The following INTS14 variants were observed in gnomAD, a reference collection of about 807,000 sequenced individuals.
The protein encoded by INTS14 is UPF0464 protein C15orf44.
INTS14 carries 27 observed loss-of-function variants against 56.9 expected under a neutral mutation model. The observed-to-expected ratio is 0.47, with a 90% CI of 0.35 to 0.65. The LOEUF (loss-of-function observed/expected upper bound fraction) is 0.65, where lower values mean the gene tolerates loss of function less well. Ranked by LOEUF, INTS14 falls within the 30% of genes least tolerant of loss-of-function variation. INTS14 has a pLI of 0.00. For synonymous variants in INTS14, 207 were observed against 236.2 expected (o/e 0.88, Z 1.13); for missense variants, 517 against 632.2 (o/e 0.82, Z 1.95).
intron 8 of INTS14, among the ~76,000 whole-genome samples, chr15:65,592,295 C>T (rs578205491): frequency 2.6e-5 from 4 of 152,332 alleles, no homozygotes; most frequent in African/African-American, 9.6e-5. Flanking sequence ...TTAACTGTAG[C>T]AGAAATGGAG....
intron 1 of INTS14, 30 bp downstream of exon 1, chr15:65,611,068 C>G: frequency 2.0e-6 from 3 of 1,535,668 alleles, no homozygotes; most frequent in Non-Finnish European, 2.6e-6. Flanking sequence ...CAGCGAAAGG[C>G]AGTCCCGGGC....
intron 2 of INTS14, among the ~76,000 whole-genome samples, chr15:65,606,198 T>G (rs1329780862): frequency 1.4e-5 from 2 of 140,534 alleles, no homozygotes; most frequent in Non-Finnish European, 3.0e-5. Context: ...GAGCCTGCAG[T>G]GAGCCGAGAT....
At chr15:65,600,530 G>T (rs1015295923) in intron 3 of INTS14, among the ~76,000 whole-genome samples, 1 of 152,012 alleles carries the variant, frequency 6.6e-6, no homozygotes, top group Non-Finnish European at 1.5e-5. Flanking sequence ...TTGGGAGGCT[G>T]AGGTGGGAGG....
intron 2 of INTS14, among the ~76,000 whole-genome samples, chr15:65,605,536 A>T (rs181915254): frequency 1.7e-3 from 265 of 152,354 alleles, no homozygotes; most frequent in Non-Finnish European, 3.2e-3. Flanking sequence ...AACACATCAC[A>T]AAAATAATAA....
chr15:65,606,414 T>A (rs1277648063), intron 2 of INTS14, among the ~76,000 whole-genome samples: 1 of 152,140 alleles, frequency 6.6e-6, no homozygotes, highest in East Asian at 1.9e-4. Context: ...CTTCTTTTTT[T>A]TTTTCCTTCT....
chr15:65,609,081 G>T (rs557961091), intron 1 of INTS14, among the ~76,000 whole-genome samples: 1 of 152,094 alleles, frequency 6.6e-6, no homozygotes, highest in Non-Finnish European at 1.5e-5. Flanking sequence ...CACCACACTC[G>T]GCTAATTTTT....
intron 2 of INTS14, among the ~76,000 whole-genome samples, chr15:65,606,407 C>CTT (rs889743753): frequency 6.8e-6 from 1 of 146,936 alleles, no homozygotes. Flanking sequence ...AATGCTTCTT[C>CTT]TTTTTTTTTT....
chr15:65,594,310 AG>A, intron 7 of INTS14, among the ~76,000 whole-genome samples: 1 of 152,208 alleles, frequency 6.6e-6, no homozygotes, highest in East Asian at 1.9e-4. Flanking sequence ...CTAATTCAAC[AG>A]GAAGAATTAG....
At chr15:65,596,602 C>T (rs2073220613) in intron 6 of INTS14, among the ~76,000 whole-genome samples, 1 of 151,994 alleles carries the variant, frequency 6.6e-6, no homozygotes, top group Non-Finnish European at 1.5e-5. Context: ...TGGAGTTTCG[C>T]TCTTGTTGCC....
At chr15:65,590,703 T>C (rs2072994307) in intron 9 of INTS14, among the ~76,000 whole-genome samples, 1 of 152,222 alleles carries the variant, frequency 6.6e-6, no homozygotes, top group Non-Finnish European at 1.5e-5. Context: ...TGCCAGTCTG[T>C]GATCATTCCA....
chr15:65,595,971 T>C (rs2073197024), intron 6 of INTS14, 146 bp from the exon 7 acceptor site: 1 of 587,294 alleles, frequency 1.7e-6, no homozygotes, highest in Non-Finnish European at 2.9e-6. Context: ...TATGGAGTCG[T>C]CTAATAATTT....
chr15:65,585,048 T>C (rs932656261), intron 9 of INTS14, among the ~76,000 whole-genome samples, 160 bp from the exon 10 acceptor site: 1 of 152,202 alleles, frequency 6.6e-6, no homozygotes, highest in Non-Finnish European at 1.5e-5. Flanking sequence ...GAACCTGTTC[T>C]CAATAGAAAG....
intron 8 of INTS14, 91 bp from the exon 9 acceptor site, chr15:65,591,822 C>T: frequency 1.4e-6 from 2 of 1,434,464 alleles, no homozygotes; most frequent in Non-Finnish European, 9.4e-7. Flanking sequence ...TCTTGAGAGA[C>T]ACAGGCTTCA....
chr15:65,607,785 A>G (rs928557944), intron 1 of INTS14, among the ~76,000 whole-genome samples: 2 of 152,250 alleles, frequency 1.3e-5, no homozygotes, highest in Non-Finnish European at 2.9e-5. Context: ...TTACTGAAGA[A>G]CATTTCTAGT....
chr15:65,603,228 A>C (rs1179788561), intron 3 of INTS14, among the ~76,000 whole-genome samples: 1 of 152,248 alleles, frequency 6.6e-6, no homozygotes, highest in Non-Finnish European at 1.5e-5. Flanking sequence ...AGTATCCACT[A>C]TATTCTATAA....
At chr15:65,609,157 A>G (rs2073765043) in intron 1 of INTS14, among the ~76,000 whole-genome samples, 1 of 152,070 alleles carries the variant, frequency 6.6e-6, no homozygotes. Context: ...TGACCTCGAC[A>G]TTGGCCAGGC....
At chr15:65,582,956 C>T (rs2072679333) in intron 10 of INTS14, among the ~76,000 whole-genome samples, 1 of 152,030 alleles carries the variant, frequency 6.6e-6, no homozygotes, top group African/African-American at 2.4e-5. Flanking sequence ...CATTATTGGT[C>T]ATCAAGGAAA....
At chr15:65,599,695 C>T in intron 4 of INTS14, 79 bp downstream of exon 4, 1 of 1,459,492 alleles carries the variant, frequency 6.9e-7, no homozygotes, top group Non-Finnish European at 9.4e-7. Flanking sequence ...TACAATATAG[C>T]ACTAGTGGTA....
At chr15:65,603,372 G>A (rs976879942) in intron 3 of INTS14, among the ~76,000 whole-genome samples, 1 of 152,078 alleles carries the variant, frequency 6.6e-6, no homozygotes, top group Non-Finnish European at 1.5e-5. Context: ...GTATTCAGTC[G>A]TGTAACCACC....
Sources: gnomAD v4.1 joint callset for allele counts (sites outside exome capture counted in the v4.1 genomes callset) on GRCh38, gnomAD v4.1.1 for gene constraint, MANE v1.5 for transcripts, NCBI Gene and HGNC (gene_info 2026-07-23, HGNC 2026-07-21) for gene names.